LRCH2: variants seen among roughly 807,000 people sequenced by gnomAD.
The protein encoded by LRCH2 is leucine rich repeats and calponin homology domain containing 2.
In LRCH2, 38 loss-of-function variants were observed where a neutral mutation model predicts 68.9. The observed-to-expected ratio is 0.55, with a 90% CI of 0.43 to 0.72. The LOEUF (loss-of-function observed/expected upper bound fraction) is 0.72. Ranked by LOEUF, LRCH2 falls within the 30% of genes least tolerant of loss-of-function variation. The probability of loss-of-function intolerance (pLI) is 0.00; values close to 1 mark genes in which losing one functional copy is unlikely to be tolerated. For synonymous variants in LRCH2, 191 were observed against 208.1 expected (o/e 0.92, Z 0.71); for missense variants, 528 against 572.9 (o/e 0.92, Z 0.80).
chrX:115,233,655 T>C (rs782456148), intron 1 of LRCH2, 38 bp downstream of exon 1: 123 of 1,099,371 alleles, frequency 1.1e-4, no homozygotes, highest in Non-Finnish European at 1.5e-4. Context: ...CCGCACCTCC[T>C]CCTTCACAGC....
intron 1 of LRCH2, chrX:115,192,601 C>A: frequency 8.5e-7 from 1 of 1,171,042 alleles, no homozygotes; most frequent in Non-Finnish European, 1.1e-6. Flanking sequence ...CGGAGGCCGT[C>A]AAGGAGGCCG....
In LRCH2 at chrX:115,146,891, G is replaced by A. The variant is rs182648733; in HGVS notation, c.1695+2936C>T. Among the ~76,000 whole-genome samples, 12 of 88,188 alleles carry A rather than the reference G, an allele frequency of 1.4e-4. No homozygotes were observed. In the East Asian group the frequency reaches 4.4e-3, roughly 32 times the overall value. 76.6% of individuals were successfully genotyped at this position (88,188 alleles called of 115,157 possible). On this transcript the variant is annotated intron_variant, in intron 14 of 20. Transcript: ENST00000317135. ...TCAAAACTAAGAAGAAATACAGTTG[G>A]ATTTCTTACATACATACACACACAC...
intron 14 of LRCH2, among the ~76,000 whole-genome samples, chrX:115,145,190 G>A (rs2843487): frequency 0.057 from 6,371 of 111,225 alleles, 436 homozygotes; most frequent in African/African-American, 0.2. Context: ...GAACATACAC[G>A]GGGGAAAAGA....
In LRCH2 at chrX:115,188,369, A is replaced by T; in HGVS notation, c.351T>A (p.Asp117Glu). 8.5e-7 allele frequency: 1 copy of T among 1,169,826 alleles called. No homozygotes were observed. Among genetic ancestry groups the T allele is most frequent in the Non-Finnish European group, 1.1e-6 (1 of 872,272 alleles). Residue 117 changes from aspartate to glutamate, a missense_variant and splice_region_variant, in exon 2 of 21, where the codon GAT (aspartate) becomes GAA (glutamate). By Grantham distance (45) the Asp-to-Glu change is conservative. Coordinates refer to ENST00000317135, the MANE Select transcript of LRCH2 (RefSeq NM_020871.4). Reference protein sequence around the residue: ...GYDLTDTTQADLSRNRFTEIP... With the variant: ...GYDLTDTTQAELSRNRFTEIP... ...TTTCTGTAAAACGATTTCTGGAAAGATCTGAAAAGAAAATAGTGAGTATTA... is the reference window on the plus strand; with the variant it reads ...TTTCTGTAAAACGATTTCTGGAAAGTTCTGAAAAGAAAATAGTGAGTATTA...
chrX:115,197,355 A>G (rs1556563785), intron 1 of LRCH2, among the ~76,000 whole-genome samples: 2 of 112,182 alleles, frequency 1.8e-5, no homozygotes, highest in African/African-American at 6.5e-5. Flanking sequence ...GATTTTAAAG[A>G]AGCTCAATGA....
chrX:115,166,209 T>C, intron 7 of LRCH2, 46 bp downstream of exon 7: 1 of 956,506 alleles, frequency 1.0e-6, no homozygotes, highest in Non-Finnish European at 1.5e-6. Context: ...TTCAATGCTC[T>C]AATAAAATTG....
Position 115,127,039 on chromosome X carries a change from A to T in LRCH2, c.1741-146T>A, listed in dbSNP as rs781893976. On this transcript the variant is annotated intron_variant, in intron 15 of 20. Coordinates refer to ENST00000317135, the MANE Select transcript of LRCH2 (RefSeq NM_020871.4). ...GCCATCCAGCACATTGCCACTCTAC[A>T]TGTGGTCTGTAAACCAGCAGCATAG... The T allele has an allele frequency of 3.6e-5, 13 of 359,019 alleles. No homozygotes were observed. In the South Asian group the frequency reaches 9.9e-4, roughly 27 times the overall value. The allele number at this position is 359,019 out of a possible 1,213,427, so 29.6% of individuals were successfully genotyped here.
intron 1 of LRCH2, 128 bp downstream of exon 1, chrX:115,233,565 G>T: frequency 1.5e-6 from 1 of 672,130 alleles, no homozygotes; most frequent in South Asian, 3.0e-5. Flanking sequence ...GGGCTGCCCC[G>T]ACTTTGTTAG....
chrX:115,112,278 G>C lies in LRCH2; in HGVS notation c.*938C>G, dbSNP rs1386160728. ...TTTATCAAAATGTCCTTGATAATTA[G>C]TACTTCACTAGTTCTCAAAAACTTT... On this transcript the variant is annotated 3_prime_UTR_variant, in exon 21 of 21. Transcript: ENST00000317135. The C allele has an allele frequency of 8.9e-6, 1 of 111,792 alleles. No homozygotes were observed. Among genetic ancestry groups the C allele is most frequent in the Non-Finnish European group, 1.9e-5 (1 of 52,952 alleles). The allele number at this position is 111,792 out of a possible 1,213,427, so 9.2% of individuals were successfully genotyped here.
intron 1 of LRCH2, chrX:115,192,434 A>G (rs2072849305): frequency 1.7e-6 from 2 of 1,166,965 alleles, no homozygotes; most frequent in Non-Finnish European, 2.3e-6. Context: ...AGCGGCGACC[A>G]CGACAGATCC....
intron 16 of LRCH2, among the ~76,000 whole-genome samples, chrX:115,126,616 TAAAC>T (rs1388650195): frequency 3.0e-4 from 33 of 111,539 alleles, no homozygotes; most frequent in Admixed American, 1.6e-3. Flanking sequence ...AAATCATAAA[TAAAC>T]AAGTGCTAGT....
intron 1 of LRCH2, among the ~76,000 whole-genome samples, chrX:115,216,516 T>A (rs1211687776): frequency 1.8e-5 from 2 of 111,871 alleles, no homozygotes; most frequent in Non-Finnish European, 3.8e-5. Flanking sequence ...TCACTAAGCA[T>A]CAGAGAAATG....
At chrX:115,159,477 C>T (rs782202288) in intron 11 of LRCH2, among the ~76,000 whole-genome samples, 63 of 110,398 alleles carry the variant, frequency 5.7e-4, no homozygotes, top group Non-Finnish European at 7.8e-4. Flanking sequence ...TCAGGCCCGG[C>T]GCGGTGGCTC....
Position 115,141,660 on chromosome X carries a change from G to A in LRCH2, c.1695+8167C>T, listed in dbSNP as rs782697470. 5.5e-5 allele frequency among the ~76,000 whole-genome samples: 6 copies of A among 109,686 alleles called. No homozygotes were observed. The South Asian group carries it at 2.4e-3, about 44-fold the overall frequency. On this transcript the variant is annotated intron_variant, in intron 14 of 20. Transcript: ENST00000317135. ...GGGGGTGGATCACTTGAGGTCAGGA[G>A]TTCAAGACCAGCCTGGCCAACATGG...
chrX:115,141,691 C>T (rs1315066594), intron 14 of LRCH2, among the ~76,000 whole-genome samples: 3 of 108,747 alleles, frequency 2.8e-5, no homozygotes, highest in African/African-American at 1.0e-4. Context: ...CATGGTGAAA[C>T]CCCATCTCTA....
At chrX:115,186,806 C>T (rs1556554605) in intron 2 of LRCH2, among the ~76,000 whole-genome samples, 2 of 99,930 alleles carry the variant, frequency 2.0e-5, no homozygotes, top group African/African-American at 3.5e-5. Flanking sequence ...AGGAAACTTC[C>T]CTCACACTTT....
intron 1 of LRCH2, among the ~76,000 whole-genome samples, chrX:115,206,365 T>C (rs1556568069): frequency 8.9e-6 from 1 of 112,448 alleles, no homozygotes; most frequent in Admixed American, 9.4e-5. Flanking sequence ...TCTGCAGCAC[T>C]GTGACATGTT....
chrX:115,126,920 A>C (rs941664233), intron 15 of LRCH2, 27 bp from the exon 16 acceptor site: 1 of 895,688 alleles, frequency 1.1e-6, no homozygotes, highest in African/African-American at 2.1e-5. Context: ...AAAAGATGGA[A>C]GATGAAATTA....
intron 6 of LRCH2, among the ~76,000 whole-genome samples, chrX:115,167,191 TAA>T (rs58298502): frequency 4.8e-4 from 4 of 8,396 alleles, no homozygotes; most frequent in Non-Finnish European, 7.6e-4. Flanking sequence ...AGTTTCATGC[TAA>T]AAAAAAAAAA....
Sources: gnomAD v4.1 joint callset for allele counts (sites outside exome capture counted in the v4.1 genomes callset) on GRCh38, gnomAD v4.1.1 for gene constraint, MANE v1.5 for transcripts, NCBI Gene and HGNC (gene_info 2026-07-23, HGNC 2026-07-21) for gene names.